Variants in DISC1 observed in about 807,000 individuals in gnomAD.
The protein encoded by DISC1 is DISC1 scaffold protein, also known as disrupted in schizophrenia 1 protein.
In DISC1, 57 loss-of-function variants were observed where a neutral mutation model predicts 84.5. That is an observed-to-expected ratio of 0.67 (90% CI 0.55 to 0.84). The LOEUF (loss-of-function observed/expected upper bound fraction) is 0.84, where lower values mean the gene tolerates loss of function less well. Ranked by LOEUF, DISC1 falls within the 40% of genes least tolerant of loss-of-function variation. The pLI is 0.00. For synonymous variants in DISC1, 411 were observed against 415.2 expected (o/e 0.99, Z 0.12); for missense variants, 1,000 against 1,057.8 (o/e 0.95, Z 0.76).
At chr1:231,973,043 T>C (rs932807984) in intron 10 of DISC1, among the ~76,000 whole-genome samples, 1 of 150,914 alleles carries the variant, frequency 6.6e-6, no homozygotes, top group African/African-American at 2.4e-5. Flanking sequence ...TGCCAATGTC[T>C]TGTTCTTTTT....
At chr1:231,935,003 A>C (rs542140067) in intron 9 of DISC1, among the ~76,000 whole-genome samples, 1 of 152,222 alleles carries the variant, frequency 6.6e-6, no homozygotes, top group African/African-American at 2.4e-5. Flanking sequence ...AGAGAGATAA[A>C]TGACATAGCC....
At chr1:231,742,366 G>A (rs1213128183) in intron 3 of DISC1, among the ~76,000 whole-genome samples, 1 of 152,206 alleles carries the variant, frequency 6.6e-6, no homozygotes, top group Non-Finnish European at 1.5e-5. Flanking sequence ...GCTCCCAGTA[G>A]CTGAGAGCTG....
intron 9 of DISC1, among the ~76,000 whole-genome samples, chr1:231,871,272 T>C (rs73094841): frequency 6.6e-6 from 1 of 152,302 alleles, no homozygotes; most frequent in African/African-American, 2.4e-5. Context: ...CCTCAGAGTG[T>C]AGGCAGGTTC....
intron 10 of DISC1, among the ~76,000 whole-genome samples, chr1:231,995,495 C>G (rs1374900312): frequency 1.3e-5 from 2 of 151,998 alleles, no homozygotes; most frequent in Non-Finnish European, 2.9e-5. Context: ...CCCCCCTATC[C>G]CCACCCCACA....
intron 6 of DISC1, among the ~76,000 whole-genome samples, chr1:231,782,277 A>G (rs2077485957): frequency 6.6e-6 from 1 of 152,038 alleles, no homozygotes; most frequent in African/African-American, 2.4e-5. Flanking sequence ...CATTTTGTTC[A>G]CCAGTGGTCT....
chr1:231,802,201 C>A (rs2079324980), intron 8 of DISC1, among the ~76,000 whole-genome samples: 1 of 152,084 alleles, frequency 6.6e-6, no homozygotes, highest in South Asian at 2.1e-4. Context: ...AATCTCATCT[C>A]AAATTGTAAT....
intron 4 of DISC1, among the ~76,000 whole-genome samples, chr1:231,754,204 A>C (rs2125347557): frequency 6.6e-6 from 1 of 152,178 alleles, no homozygotes; most frequent in Admixed American, 6.5e-5. Context: ...GCAATGCCCC[A>C]CTTCTTGGTA....
chr1:231,994,983 G>A (rs917514604), intron 10 of DISC1, among the ~76,000 whole-genome samples: 1 of 152,070 alleles, frequency 6.6e-6, no homozygotes, highest in Admixed American at 6.5e-5. Context: ...ACCTCTACAT[G>A]TTCCTCGTTA....
intron 8 of DISC1, among the ~76,000 whole-genome samples, chr1:231,809,161 C>T (rs1182707909): frequency 2.0e-5 from 3 of 152,184 alleles, no homozygotes; most frequent in Non-Finnish European, 2.9e-5. Context: ...TTTTATCTCT[C>T]GCCACTGGCT....
intron 9 of DISC1, among the ~76,000 whole-genome samples, chr1:231,844,417 G>C (rs1032590534): frequency 6.6e-6 from 1 of 152,094 alleles, no homozygotes; most frequent in African/African-American, 2.4e-5. Context: ...CTCCAGGTGC[G>C]CCACCTCCCA....
intron 1 of DISC1, among the ~76,000 whole-genome samples, chr1:231,683,674 CTCT>C (rs1360786721): frequency 2.6e-5 from 4 of 151,798 alleles, no homozygotes; most frequent in South Asian, 4.2e-4. Context: ...TTCGCAAGCC[CTCT>C]TCTTCTTTCA....
intron 3 of DISC1, chr1:231,723,336 G>A: frequency 1.0e-6 from 1 of 985,822 alleles, no homozygotes; most frequent in African/African-American, 1.7e-5. Flanking sequence ...CATCTGGGCA[G>A]GAAGCTCCTG....
intron 1 of DISC1, among the ~76,000 whole-genome samples, chr1:231,681,019 CCTT>C (rs2063635035): frequency 6.6e-6 from 1 of 152,136 alleles, no homozygotes; most frequent in African/African-American, 2.4e-5. Flanking sequence ...ACAGAGGGCT[CCTT>C]CTGGTTCATC....
chr1:231,943,386 A>G (rs1399622055), intron 9 of DISC1, among the ~76,000 whole-genome samples: 1 of 152,228 alleles, frequency 6.6e-6, no homozygotes, highest in Non-Finnish European at 1.5e-5. Flanking sequence ...AGGAATGGGA[A>G]AGGCAAGACA....
intron 1 of DISC1, among the ~76,000 whole-genome samples, chr1:231,671,939 T>C (rs1229403357): frequency 1.3e-5 from 2 of 152,214 alleles, no homozygotes; most frequent in Non-Finnish European, 2.9e-5. Flanking sequence ...ATAAGATGCA[T>C]TGTCAATAAA....
intron 10 of DISC1, among the ~76,000 whole-genome samples, chr1:231,974,626 C>T (rs16855858): frequency 0.031 from 4,714 of 152,202 alleles, 239 homozygotes; most frequent in African/African-American, 0.11. Context: ...AGCAGAAGGG[C>T]GGAAGCATGA....
intron 9 of DISC1, among the ~76,000 whole-genome samples, chr1:231,923,016 G>A (rs755668360): frequency 5.9e-5 from 9 of 152,124 alleles, no homozygotes; most frequent in Non-Finnish European, 1.0e-4. Flanking sequence ...GGTGGCTCAC[G>A]CCTGCAATCC....
At chr1:231,763,540 G>C (rs533616474) in intron 4 of DISC1, among the ~76,000 whole-genome samples, 3 of 152,162 alleles carry the variant, frequency 2.0e-5, no homozygotes, top group Non-Finnish European at 4.4e-5. Flanking sequence ...CAAAAGCAAG[G>C]TTCCTTTTTC....
intron 9 of DISC1, among the ~76,000 whole-genome samples, chr1:231,821,308 C>G (rs1236327781): frequency 6.6e-6 from 1 of 152,126 alleles, no homozygotes; most frequent in African/African-American, 2.4e-5. Flanking sequence ...TTGGAAGGTG[C>G]TTGAGTTGTC....
Sources: gnomAD v4.1 joint callset for allele counts (sites outside exome capture counted in the v4.1 genomes callset) on GRCh38, gnomAD v4.1.1 for gene constraint, MANE v1.5 for transcripts, NCBI Gene and HGNC (gene_info 2026-07-23, HGNC 2026-07-21) for gene names.